SOX6: variants seen among roughly 807,000 people sequenced by gnomAD.
The protein encoded by SOX6 is SRY-box transcription factor 6, also known as transcription factor SOX-6.
SOX6 carries 11 observed loss-of-function variants against 97.8 expected under a neutral mutation model. The ratio of observed to expected loss-of-function variants is 0.11; its 90% confidence interval spans 0.07 to 0.19. The LOEUF (loss-of-function observed/expected upper bound fraction) is 0.19. Among genes scored for constraint, SOX6 ranks in the 10% least tolerant of loss-of-function variants. SOX6 has a pLI of 1.00. For missense variants in SOX6, 810 were observed against 1,039.5 expected, an observed-to-expected ratio of 0.78 and a Z score of 3.04; for synonymous variants, 360 against 371.4, an observed-to-expected ratio of 0.97 and a Z score of 0.35.
rs147754909 is a variant in SOX6 at position 16,443,281 on chromosome 11, A to T, written c.-5+33034T>A. Among the ~76,000 whole-genome samples the T allele has an allele frequency of 2.0e-5, 3 of 152,224 alleles. No individual in the cohort carries two copies. In the South Asian group the frequency reaches 6.2e-4, roughly 31 times the overall value. ...TGATTTCTCCTTTACTTGTCTCTAC[A>T]TTAGAGTTTTAAGTTAACTTAAAAC... On this transcript the variant is annotated intron_variant, in intron 1 of 15. Transcript: ENST00000396356.
At chr11:16,482,873 TTTTGTTTG>T (rs376039248) in intron 4 of SOX6, among the ~76,000 whole-genome samples, 1 of 152,108 alleles carries the variant, frequency 6.6e-6, no homozygotes, top group African/African-American at 2.4e-5. Context: ...GAAACTGCCT[TTTTGTTTG>T]TTTGTTTGTT....
intron 3 of SOX6, among the ~76,000 whole-genome samples, chr11:16,639,023 C>G (rs563166322): frequency 1.7e-4 from 26 of 152,236 alleles, no homozygotes; most frequent in Non-Finnish European, 2.8e-4. Flanking sequence ...GTATTGCCTA[C>G]GTTTTCTTCT....
chr11:16,580,770 T>C (rs1848025405), intron 4 of SOX6, among the ~76,000 whole-genome samples: 1 of 151,776 alleles, frequency 6.6e-6, no homozygotes, highest in Non-Finnish European at 1.5e-5. Flanking sequence ...AACAACCCCA[T>C]CAAAAAGTGG....
At chr11:16,107,793 A>G (rs2133989866) in intron 7 of SOX6, among the ~76,000 whole-genome samples, 1 of 152,204 alleles carries the variant, frequency 6.6e-6, no homozygotes, top group Non-Finnish European at 1.5e-5. Context: ...AATAACTATT[A>G]TATTATGTAT....
At chr11:16,609,456 A>T (rs1848372405) in intron 4 of SOX6, among the ~76,000 whole-genome samples, 1 of 152,268 alleles carries the variant, frequency 6.6e-6, no homozygotes, top group Admixed American at 6.5e-5. Context: ...GTGAAAGGAC[A>T]TATGGACCAA....
intron 6 of SOX6, among the ~76,000 whole-genome samples, chr11:16,130,501 C>T (rs1849714387): frequency 6.6e-6 from 1 of 151,530 alleles, no homozygotes; most frequent in African/African-American, 2.4e-5. Context: ...AATTTTGAAA[C>T]ACTAAAATAA....
chr11:16,097,831 G>T (rs1457609239), intron 7 of SOX6, 143 bp from the exon 8 acceptor site: 39 of 791,288 alleles, frequency 4.9e-5, no homozygotes, highest in Admixed American at 2.0e-5. Flanking sequence ...GCTTAGTTGG[G>T]CACAGACTTG....
intron 3 of SOX6, among the ~76,000 whole-genome samples, chr11:16,669,915 A>G (rs1351934482): frequency 6.6e-6 from 1 of 152,124 alleles, no homozygotes; most frequent in Non-Finnish European, 1.5e-5. Flanking sequence ...CTGCTCTGCC[A>G]CTACAGTTGC....
intron 2 of SOX6, among the ~76,000 whole-genome samples, chr11:16,333,824 A>C (rs1261894605): frequency 2.6e-5 from 4 of 152,196 alleles, no homozygotes; most frequent in Non-Finnish European, 4.4e-5. Context: ...GGTCATATAG[A>C]AGTATTTGCA....
At chr11:16,240,017 C>T (rs530196731) in intron 3 of SOX6, among the ~76,000 whole-genome samples, 2 of 152,034 alleles carry the variant, frequency 1.3e-5, no homozygotes, top group Non-Finnish European at 2.9e-5. Flanking sequence ...AAAATGCAAT[C>T]TGTTTCCTTT....
intron 3 of SOX6, among the ~76,000 whole-genome samples, chr11:16,633,939 A>G (rs1255497598): frequency 6.6e-6 from 1 of 152,240 alleles, no homozygotes; most frequent in Non-Finnish European, 1.5e-5. Context: ...CTAAAAGCTA[A>G]GCAACATGAT....
At chr11:16,086,079 C>T (rs549467557) in intron 9 of SOX6, among the ~76,000 whole-genome samples, 1 of 152,282 alleles carries the variant, frequency 6.6e-6, no homozygotes, top group East Asian at 1.9e-4. Context: ...TCTTCTATGG[C>T]ACAACTTGAA....
intron 4 of SOX6, among the ~76,000 whole-genome samples, chr11:16,489,760 T>G (rs1241327246): frequency 6.6e-6 from 1 of 152,080 alleles, no homozygotes; most frequent in Admixed American, 6.5e-5. Context: ...GTATGAGTTT[T>G]TTAACTTTCT....
At chr11:16,218,655 A>C (rs1852442371) in intron 4 of SOX6, among the ~76,000 whole-genome samples, 1 of 152,126 alleles carries the variant, frequency 6.6e-6, no homozygotes, top group Admixed American at 6.6e-5. Flanking sequence ...ATATGAAAAA[A>C]CATATTTTAA....
chr11:16,207,074 T>C (rs977299424), intron 4 of SOX6, among the ~76,000 whole-genome samples: 7 of 152,166 alleles, frequency 4.6e-5, no homozygotes, highest in African/African-American at 1.7e-4. Context: ...ACCACTATTT[T>C]CACTGAAAAC....
intron 4 of SOX6, among the ~76,000 whole-genome samples, chr11:16,581,602 A>G (rs1344496555): frequency 6.6e-6 from 1 of 152,178 alleles, no homozygotes; most frequent in African/African-American, 2.4e-5. Flanking sequence ...CCCATGACTT[A>G]GTGTAAAATA....
At chr11:16,525,938 C>T (rs1418837569) in intron 4 of SOX6, among the ~76,000 whole-genome samples, 1 of 152,160 alleles carries the variant, frequency 6.6e-6, no homozygotes, top group Non-Finnish European at 1.5e-5. Context: ...AATGAGATAC[C>T]ATCTCACACC....
intron 1 of SOX6, among the ~76,000 whole-genome samples, chr11:16,457,314 C>T (rs1014619640): frequency 6.6e-6 from 1 of 151,986 alleles, no homozygotes; most frequent in Non-Finnish European, 1.5e-5. Context: ...CCTAATTTGC[C>T]ATGGAAATAG....
intron 2 of SOX6, among the ~76,000 whole-genome samples, chr11:16,726,267 G>T (rs1483317155): frequency 6.6e-6 from 1 of 152,210 alleles, no homozygotes; most frequent in African/African-American, 2.4e-5. Context: ...AGATCAGCTG[G>T]GTGTGGTGGT....
Sources: gnomAD v4.1 joint callset for allele counts (sites outside exome capture counted in the v4.1 genomes callset) on GRCh38, gnomAD v4.1.1 for gene constraint, MANE v1.5 for transcripts, NCBI Gene and HGNC (gene_info 2026-07-23, HGNC 2026-07-21) for gene names.